MTSS1: variants seen among roughly 807,000 people sequenced by gnomAD.
The protein encoded by MTSS1 is MTSS I-BAR domain containing 1.
MTSS1 carries 18 observed loss-of-function variants against 79.0 expected under a neutral mutation model. That is an observed-to-expected ratio of 0.23 (90% CI 0.16 to 0.34). The LOEUF (loss-of-function observed/expected upper bound fraction) is 0.34, where lower values mean the gene tolerates loss of function less well. Ranked by LOEUF, MTSS1 falls within the 10% of genes least tolerant of loss-of-function variation. The pLI is 1.00. For missense variants in MTSS1, 815 were observed against 986.2 expected (o/e 0.83, Z 2.33); for synonymous variants, 341 against 368.6 (o/e 0.93, Z 0.86).
chr8:124,663,375 T>C (rs1318707419), intron 3 of MTSS1, among the ~76,000 whole-genome samples: 2 of 152,080 alleles, frequency 1.3e-5, no homozygotes, highest in East Asian at 3.9e-4. Flanking sequence ...ACGTGTCCTC[T>C]GAAGGGGAGG....
chr8:124,626,643 A>C (rs1814732122), intron 3 of MTSS1, among the ~76,000 whole-genome samples: 3 of 151,936 alleles, frequency 2.0e-5, no homozygotes, highest in Admixed American at 6.6e-5. Flanking sequence ...GTTTGTGGGG[A>C]GGCATTCAAC....
chr8:124,557,903 G>C (rs4870903), intron 10 of MTSS1, 28 bp from the exon 11 acceptor site: 4 of 1,489,464 alleles, frequency 2.7e-6, no homozygotes, highest in East Asian at 2.5e-5. Context: ...AAGGGGGGGG[G>C]AAGGAAAAAA....
chr8:124,661,736 G>C (rs1270673167), intron 3 of MTSS1, among the ~76,000 whole-genome samples: 1 of 152,158 alleles, frequency 6.6e-6, no homozygotes, highest in Non-Finnish European at 1.5e-5. Context: ...AGTCCAATCA[G>C]CACTGTCCCA....
intron 3 of MTSS1, among the ~76,000 whole-genome samples, chr8:124,648,563 C>T (rs1819383972): frequency 6.6e-6 from 1 of 152,102 alleles, no homozygotes; most frequent in South Asian, 2.1e-4. Flanking sequence ...AGCCCTATTT[C>T]CCAGAGATAT....
At chr8:124,579,286 T>C (rs1471467917) in intron 6 of MTSS1, among the ~76,000 whole-genome samples, 1 of 152,166 alleles carries the variant, frequency 6.6e-6, no homozygotes, top group Non-Finnish European at 1.5e-5. Context: ...TCCATTTGTA[T>C]AAAATGTCCA....
intron 3 of MTSS1, among the ~76,000 whole-genome samples, chr8:124,602,713 G>A (rs982081532): frequency 1.3e-5 from 2 of 152,128 alleles, no homozygotes; most frequent in African/African-American, 2.4e-5. Context: ...GCTAGAGGTG[G>A]GTACATCAGC....
intron 3 of MTSS1, among the ~76,000 whole-genome samples, chr8:124,695,017 A>T (rs1828566722): frequency 1.6e-5 from 1 of 62,438 alleles, no homozygotes; most frequent in Admixed American, 1.7e-4. Context: ...ACTTTCATTT[A>T]AAAAAAATGA....
At position 124,559,545 on chromosome 8, in the gene MTSS1, G is replaced by A. The variant is rs72714715; in HGVS notation, c.1036-1670C>T. Among the ~76,000 whole-genome samples the A allele has an allele frequency of 3.3e-3, 508 of 152,278 alleles. 2 individuals are homozygous for A. Among genetic ancestry groups the A allele is most frequent in the Non-Finnish European group, 5.4e-3 (367 of 68,014 alleles). ...CCATCTCTGGAGAGGTCTCATTTGG[G>A]AAACCATCGCTTTACACTGATCTGA... On this transcript the variant is annotated intron_variant, in intron 10 of 13. Coordinates refer to ENST00000518547, the MANE Select transcript of MTSS1 (RefSeq NM_014751.6).
chr8:124,587,564 T>C (rs536888007), intron 5 of MTSS1, among the ~76,000 whole-genome samples: 2 of 152,322 alleles, frequency 1.3e-5, no homozygotes, highest in African/African-American at 4.8e-5. Context: ...AACAGTGCAA[T>C]CTCAGCTCAC....
rs192172596 is a variant in MTSS1, at chr8:124,570,697, C to T, written c.461-2161G>A. 3.0e-3 allele frequency among the ~76,000 whole-genome samples: 450 copies of T among 152,264 alleles called. 3 individuals carry two copies. Among genetic ancestry groups the T allele is most frequent in the Non-Finnish European group, 3.2e-3 (219 of 68,030 alleles). On this transcript the variant is annotated intron_variant, in intron 6 of 13. Transcript: ENST00000518547. The stretch of plus-strand genomic sequence containing the variant: ...ATAAGAAATTTGCTGCTTGAGAAGT[C>T]TCTGCATAATTTTCTCCTTTTTGGA...
chr8:124,652,236 C>T (rs981230708), intron 3 of MTSS1, among the ~76,000 whole-genome samples: 5 of 152,282 alleles, frequency 3.3e-5, no homozygotes, highest in Non-Finnish European at 7.3e-5. Context: ...TGCAATGGCA[C>T]AATCTTGGCT....
At position 124,704,229 on chromosome 8, in the gene MTSS1, A is replaced by G. The variant is rs938411215; in HGVS notation, c.73-38T>C. ...AAAGACATCAGTAAGTCACACTGCGATAGACATCTGATTACTACATTAACA... is the reference window on the plus strand; with the variant it reads ...AAAGACATCAGTAAGTCACACTGCGGTAGACATCTGATTACTACATTAACA... On this transcript the variant is annotated intron_variant, in intron 1 of 13. Transcript: ENST00000518547. The G allele has an allele frequency of 3.9e-6, 6 of 1,557,190 alleles. No individual in the cohort carries two copies. In the African/African-American group the frequency reaches 5.4e-5, roughly 14 times the overall value.
At position 124,627,292 on chromosome 8, in the gene MTSS1, A is replaced by C. The variant is rs1444759019; in HGVS notation, c.209-36057T>G. On this transcript the variant is annotated intron_variant, in intron 3 of 13. Transcript: ENST00000518547. ...GGTACTCAAAAGATGAGGGCTGGCT[A>C]TCAGTGAGAAACTGGGGCATAATCG... Among the ~76,000 whole-genome samples, 6 of 152,230 alleles carry C rather than the reference A, an allele frequency of 3.9e-5. No homozygotes were observed. In the East Asian group the frequency reaches 1.2e-3, roughly 29 times the overall value.
intron 3 of MTSS1, among the ~76,000 whole-genome samples, chr8:124,663,708 G>A (rs897527013): frequency 2.6e-5 from 4 of 152,092 alleles, no homozygotes; most frequent in East Asian, 1.9e-4. Context: ...ATCAGCTTTC[G>A]ATATTTTGCC....
intron 3 of MTSS1, among the ~76,000 whole-genome samples, chr8:124,607,861 A>G (rs545155859): frequency 4.6e-5 from 7 of 152,014 alleles, no homozygotes; most frequent in African/African-American, 1.7e-4. Context: ...CAGTTATTAT[A>G]TATCTCTACA....
At chr8:124,634,071 A>AT (rs1239456780) in intron 3 of MTSS1, among the ~76,000 whole-genome samples, 1 of 151,930 alleles carries the variant, frequency 6.6e-6, no homozygotes, top group African/African-American at 2.4e-5. Context: ...AGTAGGAAGG[A>AT]TAAAATATAG....
intron 4 of MTSS1, among the ~76,000 whole-genome samples, chr8:124,590,453 T>C (rs919611265): frequency 3.3e-5 from 5 of 152,160 alleles, no homozygotes; most frequent in African/African-American, 9.7e-5. Flanking sequence ...ACACTAAGTA[T>C]GCACAGCCTG....
intron 3 of MTSS1, among the ~76,000 whole-genome samples, chr8:124,662,996 C>A (rs992436474): frequency 6.6e-6 from 1 of 152,152 alleles, no homozygotes; most frequent in African/African-American, 2.4e-5. Context: ...CAGCTGCTCT[C>A]CTTTAGCCAG....
In MTSS1 at chr8:124,610,388, T is replaced by C. The variant is rs565367723; in HGVS notation, c.209-19153A>G. On this transcript the variant is annotated intron_variant, in intron 3 of 13. Coordinates refer to ENST00000518547, the MANE Select transcript of MTSS1 (RefSeq NM_014751.6). Reference sequence around the variant, plus strand: ...ATCTCTGAAGCTTCAGGTCCCCTTATATGCTACAAGAAAAGCCTTCGCGGG... The same window carrying C: ...ATCTCTGAAGCTTCAGGTCCCCTTACATGCTACAAGAAAAGCCTTCGCGGG... 3.2e-4 allele frequency among the ~76,000 whole-genome samples: 49 copies of C among 152,312 alleles called. No individual in the cohort carries two copies. In the South Asian group the frequency reaches 9.7e-3, roughly 30 times the overall value.
Sources: gnomAD v4.1 joint callset for allele counts (sites outside exome capture counted in the v4.1 genomes callset) on GRCh38, gnomAD v4.1.1 for gene constraint, MANE v1.5 for transcripts, NCBI Gene and HGNC (gene_info 2026-07-23, HGNC 2026-07-21) for gene names.